Variants in LRRC28 observed in about 807,000 individuals in gnomAD.
LRRC28 encodes leucine-rich repeat-containing protein 28.
In LRRC28, 39 loss-of-function variants were observed where a neutral mutation model predicts 45.7. That is an observed-to-expected ratio of 0.85 (90% CI 0.66 to 1.12). The LOEUF (loss-of-function observed/expected upper bound fraction) is 1.12, where lower values mean the gene tolerates loss of function less well. Among genes scored for constraint, LRRC28 ranks in the 50% most tolerant of loss-of-function variants. The pLI, the probability that LRRC28 is intolerant of heterozygous loss-of-function variation, is 0.00. For missense variants in LRRC28, 435 were observed against 438.5 expected (o/e 0.99, Z 0.07); for synonymous variants, 206 against 178.8 (o/e 1.15, Z -1.22).
Position 99,350,557 on chromosome 15 carries a change from A to G in LRRC28, c.593-1812A>G, listed in dbSNP as rs546869499. ...TGTTTTTCCTGTTTCCACATCGGTT[A>G]TGCTGTATTCATAGCTACATTTCCA... On this transcript the variant is annotated intron_variant, in intron 6 of 9. Coordinates refer to ENST00000301981, the MANE Select transcript of LRRC28 (RefSeq NM_144598.5). Among the ~76,000 whole-genome samples, 4 of 152,310 alleles carry G rather than the reference A, an allele frequency of 2.6e-5. No homozygotes were observed. The East Asian group carries it at 7.7e-4, about 29-fold the overall frequency.
intron 7 of LRRC28, among the ~76,000 whole-genome samples, chr15:99,359,765 T>A (rs777521758): frequency 5.9e-5 from 9 of 152,234 alleles, no homozygotes; most frequent in Non-Finnish European, 8.8e-5. Flanking sequence ...TCATCCATAG[T>A]ATGGAATATT....
intron 9 of LRRC28, among the ~76,000 whole-genome samples, chr15:99,364,416 A>G (rs143580540): frequency 2.6e-5 from 4 of 152,154 alleles, no homozygotes; most frequent in East Asian, 1.9e-4. Flanking sequence ...TTCACTTCCT[A>G]TTTCAATCTT....
chr15:99,361,536 A>C (rs1434520447), intron 8 of LRRC28, 25 bp downstream of exon 8: 1 of 1,550,856 alleles, frequency 6.4e-7, no homozygotes, highest in Non-Finnish European at 8.7e-7. Flanking sequence ...TGGTTTTCTT[A>C]TTTTTCTCTC....
intron 5 of LRRC28, among the ~76,000 whole-genome samples, chr15:99,290,337 T>C (rs1248803454): frequency 1.3e-5 from 2 of 152,120 alleles, no homozygotes; most frequent in Admixed American, 6.5e-5. Context: ...TATTCTCATA[T>C]AATGAATGTC....
At chr15:99,328,457 T>C (rs1956055813) in intron 5 of LRRC28, among the ~76,000 whole-genome samples, 1 of 152,136 alleles carries the variant, frequency 6.6e-6, no homozygotes, top group Admixed American at 6.5e-5. Flanking sequence ...TATTACCTTG[T>C]TATTGTCTTT....
At chr15:99,315,368 T>C (rs1389883374) in intron 5 of LRRC28, among the ~76,000 whole-genome samples, 8 of 152,192 alleles carry the variant, frequency 5.3e-5, no homozygotes, top group Non-Finnish European at 1.2e-4. Flanking sequence ...CTTGGTGTTT[T>C]GAATCATTAA....
intron 9 of LRRC28, among the ~76,000 whole-genome samples, chr15:99,380,974 T>TGA (rs1957803605): frequency 6.6e-6 from 1 of 152,216 alleles, no homozygotes; most frequent in Admixed American, 6.5e-5. Flanking sequence ...ATTTTTCCCT[T>TGA]CATTTCAACT....
At chr15:99,316,802 G>A (rs1033549785) in intron 5 of LRRC28, among the ~76,000 whole-genome samples, 1 of 151,988 alleles carries the variant, frequency 6.6e-6, no homozygotes, top group South Asian at 2.1e-4. Flanking sequence ...AAGGACCCTG[G>A]CGGATACAAG....
In LRRC28 at chr15:99,260,819, G is replaced by A. The variant is rs79026345; in HGVS notation, c.168+4694G>A. Among the ~76,000 whole-genome samples, 1,174 of 152,300 alleles carry A rather than the reference G, an allele frequency of 7.7e-3. 11 individuals carry two copies. The highest frequency in any genetic ancestry group is 0.027 in the African/African-American group (1,137 of 41,558). ...AAACGTTGAAAATATAGAGTATCTC[G>A]AATATGTTATTGCTTAATTGGCCTT... On this transcript the variant is annotated intron_variant, in intron 2 of 9. Coordinates refer to ENST00000301981, the MANE Select transcript of LRRC28 (RefSeq NM_144598.5).
At chr15:99,368,349 C>T (rs1957395674) in intron 9 of LRRC28, among the ~76,000 whole-genome samples, 1 of 152,100 alleles carries the variant, frequency 6.6e-6, no homozygotes, top group African/African-American at 2.4e-5. Context: ...CATTCCTATT[C>T]CACAAGTGAG....
rs564342168 is a variant in LRRC28 at position 99,325,104 on chromosome 15, T to C, written c.386-8819T>C. 3.3e-5 allele frequency among the ~76,000 whole-genome samples: 5 copies of C among 152,346 alleles called. No individual in the cohort carries two copies. In the South Asian group the frequency reaches 1.0e-3, roughly 32 times the overall value. ...GTTTATTTAGATCTTCTTTAATTTC[T>C]CTCAACGGTATTTTGCAGTTTGTAG... On this transcript the variant is annotated intron_variant, in intron 5 of 9. Coordinates refer to ENST00000301981, the MANE Select transcript of LRRC28 (RefSeq NM_144598.5).
intron 9 of LRRC28, among the ~76,000 whole-genome samples, chr15:99,369,936 C>G (rs1957437688): frequency 6.6e-6 from 1 of 152,130 alleles, no homozygotes; most frequent in African/African-American, 2.4e-5. Context: ...GTGTAATAAG[C>G]CATGGCGTGC....
chr15:99,384,449 C>G (rs1307961495), intron 9 of LRRC28: 2 of 152,186 alleles, frequency 1.3e-5, no homozygotes, highest in Non-Finnish European at 2.9e-5. Flanking sequence ...ATCCTGAAAC[C>G]TCTACATTTA....
At chr15:99,310,676 T>C (rs1475765140) in intron 5 of LRRC28, among the ~76,000 whole-genome samples, 1 of 152,146 alleles carries the variant, frequency 6.6e-6, no homozygotes, top group Non-Finnish European at 1.5e-5. Flanking sequence ...CAAAAATCCG[T>C]GTAAGTAAGC....
chr15:99,283,239 T>C (rs1463675636), intron 3 of LRRC28, among the ~76,000 whole-genome samples: 1 of 152,048 alleles, frequency 6.6e-6, no homozygotes, highest in Non-Finnish European at 1.5e-5. Context: ...CAATTTTATA[T>C]TTATAGAAAA....
intron 5 of LRRC28, among the ~76,000 whole-genome samples, chr15:99,330,183 C>A (rs1250117022): frequency 2.6e-5 from 4 of 151,996 alleles, no homozygotes; most frequent in African/African-American, 9.7e-5. Context: ...GATTTTGGAT[C>A]TTTCAGGATT....
intron 7 of LRRC28, among the ~76,000 whole-genome samples, chr15:99,356,688 T>A (rs1957056405): frequency 6.6e-6 from 1 of 152,192 alleles, no homozygotes; most frequent in Non-Finnish European, 1.5e-5. Flanking sequence ...AGAAACAAAT[T>A]TACATTTTCA....
chr15:99,297,994 A>G (rs2082309135), intron 5 of LRRC28, among the ~76,000 whole-genome samples: 1 of 152,118 alleles, frequency 6.6e-6, no homozygotes, highest in Admixed American at 6.5e-5. Context: ...GTAAAGGGAA[A>G]TGGTAGAAAA....
chr15:99,279,966 C>T (rs145512218), intron 3 of LRRC28, among the ~76,000 whole-genome samples: 1 of 152,238 alleles, frequency 6.6e-6, no homozygotes, highest in East Asian at 1.9e-4. Context: ...GCACATCTTA[C>T]CAGCATTTGG....
Sources: gnomAD v4.1 joint callset for allele counts (sites outside exome capture counted in the v4.1 genomes callset) on GRCh38, gnomAD v4.1.1 for gene constraint, MANE v1.5 for transcripts, NCBI Gene and HGNC (gene_info 2026-07-23, HGNC 2026-07-21) for gene names.